ENTREP2: variants seen among roughly 807,000 people sequenced by gnomAD.
The protein encoded by ENTREP2 is protein ENTREP2.
At chr15:29,538,327 T>C in the ENTREP2 span, among the ~76,000 whole-genome samples, 1 of 152,126 alleles carries the variant, frequency 6.6e-6, no homozygotes, top group South Asian at 2.1e-4. Flanking sequence ...GCTGGAGTTT[T>C]GCCAACAGAG....
the ENTREP2 span, among the ~76,000 whole-genome samples, chr15:29,560,901 C>T: frequency 7.8e-6 from 1 of 127,676 alleles, no homozygotes; most frequent in Admixed American, 8.1e-5. Flanking sequence ...ATCTGGCCTG[C>T]TGCTTTTGCA....
At chr15:29,313,847 G>T in the ENTREP2 span, among the ~76,000 whole-genome samples, 2 of 152,316 alleles carry the variant, frequency 1.3e-5, no homozygotes, top group East Asian at 3.9e-4. Flanking sequence ...CAACCTTCTG[G>T]AAAGGATTCA....
the ENTREP2 span, among the ~76,000 whole-genome samples, chr15:29,468,130 G>A: frequency 6.6e-6 from 1 of 152,152 alleles, no homozygotes; most frequent in Non-Finnish European, 1.5e-5. Context: ...ACCTAGGACA[G>A]TGTTTCCAAT....
At chr15:29,389,036 C>T in the ENTREP2 span, among the ~76,000 whole-genome samples, 1 of 151,556 alleles carries the variant, frequency 6.6e-6, no homozygotes, top group South Asian at 2.1e-4. Flanking sequence ...ATGGATGCAG[C>T]ACACCAACAT....
chr15:29,481,219 T>C, the ENTREP2 span, among the ~76,000 whole-genome samples: 3 of 152,160 alleles, frequency 2.0e-5, no homozygotes, highest in African/African-American at 7.2e-5. Flanking sequence ...GCACTACCTA[T>C]ACGGGCACTT....
chr15:29,661,186 A>T, the ENTREP2 span, among the ~76,000 whole-genome samples: 1 of 152,172 alleles, frequency 6.6e-6, no homozygotes, highest in Non-Finnish European at 1.5e-5. Context: ...TCCTCTGAGA[A>T]GATTTTTTTG....
chr15:29,497,556 T>C, the ENTREP2 span, among the ~76,000 whole-genome samples: 2 of 152,178 alleles, frequency 1.3e-5, no homozygotes, highest in East Asian at 3.8e-4. Context: ...ATCCATTACT[T>C]CTGGGCTAAT....
the ENTREP2 span, among the ~76,000 whole-genome samples, chr15:29,425,396 T>C: frequency 6.6e-6 from 1 of 152,192 alleles, no homozygotes; most frequent in Non-Finnish European, 1.5e-5. Context: ...TGTATTGCAT[T>C]CTATTTGATC....
the ENTREP2 span, among the ~76,000 whole-genome samples, chr15:29,405,407 A>T: frequency 1.7e-4 from 26 of 151,642 alleles, no homozygotes; most frequent in Non-Finnish European, 3.4e-4. Flanking sequence ...AAAAAAAAAA[A>T]TCTGACCATG....
At chr15:29,427,463 A>C in the ENTREP2 span, among the ~76,000 whole-genome samples, 168 of 152,316 alleles carry the variant, frequency 1.1e-3, 1 homozygote, top group African/African-American at 3.8e-3. Context: ...TGAGGTCAAA[A>C]GTCCAAAATG....
chr15:29,556,167 G>A, the ENTREP2 span, among the ~76,000 whole-genome samples: 1 of 152,178 alleles, frequency 6.6e-6, no homozygotes, highest in Non-Finnish European at 1.5e-5. Flanking sequence ...TGAGGTGGGA[G>A]GATCGTTTGA....
chr15:29,645,858 C>T, the ENTREP2 span, among the ~76,000 whole-genome samples: 16 of 152,060 alleles, frequency 1.1e-4, no homozygotes, highest in Admixed American at 3.9e-4. Context: ...TGCGCCTGGC[C>T]GTGATTACCA....
At chr15:29,504,613 T>C in the ENTREP2 span, among the ~76,000 whole-genome samples, 1 of 152,240 alleles carries the variant, frequency 6.6e-6, no homozygotes, top group Non-Finnish European at 1.5e-5. Context: ...CCATGAATTC[T>C]GCCTCGTGCT....
At chr15:29,246,932 A>G in the ENTREP2 span, among the ~76,000 whole-genome samples, 1 of 151,578 alleles carries the variant, frequency 6.6e-6, no homozygotes, top group African/African-American at 2.4e-5. Flanking sequence ...GTGTAAAAAA[A>G]AATCCATAAA....
chr15:29,439,119 C>T, the ENTREP2 span, among the ~76,000 whole-genome samples: 44 of 152,128 alleles, frequency 2.9e-4, 1 homozygote, highest in East Asian at 1.2e-3. Context: ...CAACTAGCAC[C>T]CTGGTTTTCT....
the ENTREP2 span, among the ~76,000 whole-genome samples, chr15:29,423,512 G>C: frequency 4.6e-5 from 7 of 151,968 alleles, no homozygotes; most frequent in Admixed American, 2.6e-4. Flanking sequence ...ATTTGGGCCG[G>C]CGCGGTGGCT....
At chr15:29,490,438 T>C in the ENTREP2 span, among the ~76,000 whole-genome samples, 3 of 152,186 alleles carry the variant, frequency 2.0e-5, no homozygotes, top group African/African-American at 7.2e-5. Flanking sequence ...GCAGCCTGCT[T>C]TTATTCCCTT....
the ENTREP2 span, among the ~76,000 whole-genome samples, chr15:29,403,106 AG>A: frequency 6.6e-6 from 1 of 152,180 alleles, no homozygotes; most frequent in African/African-American, 2.4e-5. Context: ...CCAAGGTGGC[AG>A]GATGACCAAC....
the ENTREP2 span, among the ~76,000 whole-genome samples, chr15:29,508,886 G>A: frequency 6.6e-6 from 1 of 152,142 alleles, no homozygotes; most frequent in Admixed American, 6.6e-5. Flanking sequence ...ACAGAGTACT[G>A]GAAGTCCTGG....
Sources: gnomAD v4.1 joint callset for allele counts (sites outside exome capture counted in the v4.1 genomes callset) on GRCh38, gnomAD v4.1.1 for gene constraint, MANE v1.5 for transcripts, NCBI Gene and HGNC (gene_info 2026-07-23, HGNC 2026-07-21) for gene names.